The following MELK variants were observed in gnomAD, a reference collection of about 807,000 sequenced individuals.
MELK encodes the protein maternal embryonic leucine zipper kinase.
A neutral mutation model predicts 85.0 loss-of-function variants in MELK; 81 were observed. The ratio of observed to expected loss-of-function variants is 0.95; its 90% CI spans 0.80 to 1.15. The LOEUF (loss-of-function observed/expected upper bound fraction) is 1.15, where lower values mean the gene tolerates loss of function less well. MELK is among the 50% of genes most tolerant of loss of function. The pLI, the probability that MELK is intolerant of heterozygous loss-of-function variation, is 0.00. For missense variants in MELK, 754 were observed against 777.5 expected (o/e 0.97, Z 0.36); for synonymous variants, 252 against 265.0 (o/e 0.95, Z 0.48).
chr9:36,608,349 CTATTT>C (rs1825762100), intron 8 of MELK, among the ~76,000 whole-genome samples: 1 of 141,066 alleles, frequency 7.1e-6, no homozygotes, highest in Non-Finnish European at 1.5e-5. Flanking sequence ...TATAATTATT[CTATTT>C]TATTATGTTA....
At chr9:36,575,828 G>A (rs913213385) in intron 1 of MELK, among the ~76,000 whole-genome samples, 6 of 152,172 alleles carry the variant, frequency 3.9e-5, no homozygotes, top group African/African-American at 1.4e-4. Flanking sequence ...AAATAGCCCA[G>A]TCCTTTGCAT....
chr9:36,607,815 T>C (rs932773441), intron 8 of MELK, 142 bp downstream of exon 8: 5 of 666,708 alleles, frequency 7.5e-6, no homozygotes, highest in African/African-American at 1.8e-5. Context: ...TCTTTGGGAG[T>C]GGTTAAGGAG....
At chr9:36,655,801 A>G (rs1486035842) in intron 12 of MELK, among the ~76,000 whole-genome samples, 7 of 152,208 alleles carry the variant, frequency 4.6e-5, no homozygotes, top group Non-Finnish European at 1.5e-5. Flanking sequence ...TCCAAATGAC[A>G]GTAATTGGTA....
intron 1 of MELK, among the ~76,000 whole-genome samples, chr9:36,579,974 T>C (rs1206680186): frequency 1.3e-5 from 2 of 151,664 alleles, no homozygotes; most frequent in African/African-American, 4.8e-5. Context: ...CATAATAAAA[T>C]TGTGTATGAC....
intron 10 of MELK, among the ~76,000 whole-genome samples, chr9:36,636,679 G>A (rs1267799925): frequency 6.6e-6 from 1 of 152,024 alleles, no homozygotes; most frequent in Non-Finnish European, 1.5e-5. Flanking sequence ...TGTTTCCTGG[G>A]CCACATGTGT....
chr9:36,648,804 A>G (rs1393212011), intron 11 of MELK, among the ~76,000 whole-genome samples: 1 of 152,220 alleles, frequency 6.6e-6, no homozygotes, highest in African/African-American at 2.4e-5. Flanking sequence ...CAGCCCCATC[A>G]TACACATAGA....
chr9:36,626,728 C>T (rs1168120169), intron 8 of MELK, among the ~76,000 whole-genome samples: 8 of 151,886 alleles, frequency 5.3e-5, no homozygotes, highest in African/African-American at 1.5e-4. Context: ...GAGGCTGAGG[C>T]GGGCGGATCA....
At chr9:36,671,206 A>G (rs1564235059) in intron 16 of MELK, 40 bp downstream of exon 16, 2 of 1,500,000 alleles carry the variant, frequency 1.3e-6, no homozygotes, top group Non-Finnish European at 8.9e-7. Context: ...GCAGAAGCTG[A>G]CTGCTAATGG....
intron 17 of MELK, among the ~76,000 whole-genome samples, 199 bp downstream of exon 17, chr9:36,675,136 A>C (rs905817023): frequency 6.6e-6 from 1 of 152,138 alleles, no homozygotes; most frequent in Non-Finnish European, 1.5e-5. Context: ...AAATACAAAC[A>C]ATTAGCTGGG....
chr9:36,608,034 A>C (rs1053664162), intron 8 of MELK, among the ~76,000 whole-genome samples: 2 of 152,026 alleles, frequency 1.3e-5, no homozygotes, highest in Non-Finnish European at 2.9e-5. Context: ...TAATCCCAGC[A>C]CTTTGGGAGG....
chr9:36,660,018 C>T (rs1004446787), intron 13 of MELK, among the ~76,000 whole-genome samples: 7 of 152,032 alleles, frequency 4.6e-5, no homozygotes, highest in Admixed American at 6.6e-5. Flanking sequence ...AGGCTGGTCT[C>T]GAACTGCTGA....
Position 36,597,245 on chromosome 9 carries a change from T to A in MELK, c.429T>A (p.Tyr143Ter). Reference protein sequence around the residue: ...LKPENLLFDEYHKLKLIDFGL... With the variant: ...LKPENLLFDE ...AGGAAAATTTGCTGTTTGATGAATA[T>A]CATAAATTAAAGCTGATTGACTTTG... Residue 143 changes from tyrosine to a stop codon, truncating the protein, a stop_gained, in exon 6 of 18, where the codon TAT (tyrosine) becomes TAA (stop). Transcript: ENST00000298048. LOFTEE classifies it high-confidence loss of function. 2 of 1,613,856 alleles carry A rather than the reference T, an allele frequency of 1.2e-6. No individual in the cohort carries two copies. The highest frequency in any genetic ancestry group is 1.7e-6 in the Non-Finnish European group (2 of 1,179,774).
chr9:36,574,130 G>A (rs375970527), intron 1 of MELK, among the ~76,000 whole-genome samples: 1 of 152,084 alleles, frequency 6.6e-6, no homozygotes, highest in African/African-American at 2.4e-5. Context: ...CTGGGCCTTC[G>A]TGGGCTTGTT....
intron 17 of MELK, among the ~76,000 whole-genome samples, chr9:36,675,252 C>G (rs1307941181): frequency 1.3e-5 from 2 of 152,148 alleles, no homozygotes; most frequent in African/African-American, 4.8e-5. Flanking sequence ...CCACTGCACT[C>G]CAGCATAGGT....
chr9:36,643,224 A>T (rs1464052134), intron 11 of MELK, 141 bp downstream of exon 11: 2 of 559,634 alleles, frequency 3.6e-6, no homozygotes, highest in East Asian at 7.8e-5. Context: ...CTCTACTGAA[A>T]ATACAAAAAT....
intron 12 of MELK, among the ~76,000 whole-genome samples, chr9:36,652,729 CAAAAAAAAA>C (rs745699767): frequency 5.3e-5 from 5 of 95,068 alleles, no homozygotes; most frequent in East Asian, 3.0e-4. Flanking sequence ...GACTCTGTCT[CAAAAAAAAA>C]AAAAAAAAAA....
intron 7 of MELK, 120 bp from the exon 8 acceptor site, chr9:36,607,455 T>A: frequency 1.3e-6 from 1 of 748,502 alleles, no homozygotes; most frequent in East Asian, 2.5e-5. Context: ...TTGAAATGGT[T>A]GATATCTGAG....
At chr9:36,666,278 A>G (rs1832328070) in intron 14 of MELK, among the ~76,000 whole-genome samples, 1 of 152,196 alleles carries the variant, frequency 6.6e-6, no homozygotes, top group African/African-American at 2.4e-5. Flanking sequence ...AGTGCCTAGA[A>G]CTAAACTGAG....
intron 16 of MELK, among the ~76,000 whole-genome samples, chr9:36,672,722 T>G (rs1350181461): frequency 6.6e-6 from 1 of 152,176 alleles, no homozygotes; most frequent in Non-Finnish European, 1.5e-5. Context: ...GGCTGAGATG[T>G]AGAAACAAGA....
Sources: gnomAD v4.1 joint callset for allele counts (sites outside exome capture counted in the v4.1 genomes callset) on GRCh38, gnomAD v4.1.1 for gene constraint, MANE v1.5 for transcripts, NCBI Gene and HGNC (gene_info 2026-07-23, HGNC 2026-07-21) for gene names.